The following ACACA variants were observed in gnomAD, a reference collection of about 807,000 sequenced individuals.
The protein encoded by ACACA is acetyl-CoA carboxylase 1.
Under a neutral mutation model 296.1 loss-of-function variants are expected in ACACA, and 103 were observed. The observed-to-expected ratio is 0.35, with a 90% CI of 0.30 to 0.41. ACACA has a LOEUF of 0.41. Ranked by LOEUF, ACACA falls within the 10% of genes least tolerant of loss-of-function variation. The pLI is 1.00. For synonymous variants in ACACA, 953 were observed against 1,038.6 expected (o/e 0.92, Z 1.58); for missense variants, 1,554 against 2,989.7 (o/e 0.52, Z 11.20).
intron 45 of ACACA, among the ~76,000 whole-genome samples, chr17:37,146,350 G>T (rs1353914772): frequency 1.3e-5 from 2 of 151,522 alleles, no homozygotes; most frequent in African/African-American, 4.9e-5. Flanking sequence ...ACAATTTACA[G>T]GTTGCTGCAT....
intron 54 of ACACA, among the ~76,000 whole-genome samples, chr17:37,091,049 T>C (rs1410233678): frequency 1.3e-5 from 2 of 152,250 alleles, no homozygotes; most frequent in East Asian, 3.8e-4. Context: ...AACAGCATGA[T>C]GCTTTCCTAT....
Position 37,252,955 on chromosome 17 carries a change from C to T in ACACA, c.1908G>A (p.Glu636=). Reference sequence around the variant, plus strand: ...TTCTGTTCATCTGAAAGCTTTCAGTCTCTAACAATTTGATCAGGTATTCAA... The same window carrying T: ...TTCTGTTCATCTGAAAGCTTTCAGTTTCTAACAATTTGATCAGGTATTCAA... ...TTVEYLIKLL[E]TESFQMNRID... is the part of the protein sequence containing the mutation. The change falls in exon 15 of 56, where the codon GAG becomes GAA. Residue 636 remains glutamate, a synonymous_variant. Coordinates refer to ENST00000616317, the MANE Select transcript of ACACA (RefSeq NM_198834.3). The T allele has an allele frequency of 6.2e-7, 1 of 1,614,238 alleles. No homozygotes were observed.
intron 3 of ACACA, among the ~76,000 whole-genome samples, chr17:37,292,684 C>T (rs2146745144): frequency 1.3e-5 from 2 of 152,250 alleles, no homozygotes; most frequent in South Asian, 4.1e-4. Flanking sequence ...GGCAAAACCA[C>T]ATCTCTACTT....
At chr17:37,221,863 A>G in intron 28 of ACACA, 21 bp from the exon 29 acceptor site, 1 of 1,587,222 alleles carries the variant, frequency 6.3e-7, no homozygotes, top group Non-Finnish European at 8.7e-7. Context: ...AGAAACCCTC[A>G]GTAAATAAAT....
chr17:37,273,094 A>C (rs779305344), intron 9 of ACACA, among the ~76,000 whole-genome samples: 1 of 152,240 alleles, frequency 6.6e-6, no homozygotes, highest in East Asian at 1.9e-4. Context: ...AAAATAAAGC[A>C]TTTGAAATTC....
intron 41 of ACACA, among the ~76,000 whole-genome samples, chr17:37,163,862 A>G (rs1301640663): frequency 1.3e-5 from 2 of 152,168 alleles, no homozygotes; most frequent in African/African-American, 4.8e-5. Context: ...GTCTCTTCCC[A>G]AACTCTCACA....
intron 37 of ACACA, among the ~76,000 whole-genome samples, chr17:37,191,688 A>G: frequency 6.6e-6 from 1 of 152,192 alleles, no homozygotes; most frequent in Non-Finnish European, 1.5e-5. Flanking sequence ...CCATACTTCT[A>G]GACAGGTGTA....
At chr17:37,255,175 A>C (rs1357419981) in intron 14 of ACACA, among the ~76,000 whole-genome samples, 3 of 152,108 alleles carry the variant, frequency 2.0e-5, no homozygotes, top group African/African-American at 7.2e-5. Flanking sequence ...GATAGGAATG[A>C]GTGGCTAATC....
At chr17:37,129,157 G>C (rs576326278) in intron 47 of ACACA, among the ~76,000 whole-genome samples, 16 of 152,232 alleles carry the variant, frequency 1.1e-4, no homozygotes, top group South Asian at 1.0e-3. Context: ...TGGGTGATTG[G>C]GAAATGTCAT....
Position 37,089,058 on chromosome 17 carries a change from T to C in ACACA, c.6908A>G (p.Asn2303Ser). 20 of 1,614,198 alleles carry C rather than the reference T, an allele frequency of 1.2e-5. No homozygotes were observed. The highest frequency in any genetic ancestry group is 1.7e-5 in the Non-Finnish European group (20 of 1,180,036). The change falls in exon 55 of 56, where the codon AAT becomes AGT. Residue 2303 changes from asparagine (N) to serine (S), a missense_variant. Asn to Ser is a conservative substitution (Grantham distance 46). Coordinates refer to ENST00000616317, the MANE Select transcript of ACACA (RefSeq NM_198834.3). ...EGTVKAYVWDNNKDLAEWLEK... is the reference protein window; with the variant it reads ...EGTVKAYVWDSNKDLAEWLEK... ...TAGCCACTCCGCCAGATCCTTATTA[T>C]TGTCCCAAACATAAGCCTGCAAACA...
intron 1 of ACACA, chr17:37,360,383 T>C (rs1214178519): frequency 6.6e-6 from 1 of 152,036 alleles, no homozygotes; most frequent in African/African-American, 2.4e-5. Flanking sequence ...AAGAAGTTCT[T>C]GGCGGAAGCT....
Position 37,179,255 on chromosome 17 carries a change from C to T in ACACA, c.5079+5G>A. 6.2e-7 allele frequency: 1 copy of T among 1,614,118 alleles called. No homozygotes were observed. The highest frequency in any genetic ancestry group is 1.1e-5 in the South Asian group (1 of 91,078). On this transcript the variant is annotated splice_donor_5th_base_variant and intron_variant, in intron 41 of 55. Coordinates refer to ENST00000616317, the MANE Select transcript of ACACA (RefSeq NM_198834.3). ...AGAAAGGGAAGGGGGGTTTCAACTACTTGCCTCATTTCCTCCTGGAAGCCT... is the reference window on the plus strand; with the variant it reads ...AGAAAGGGAAGGGGGGTTTCAACTATTTGCCTCATTTCCTCCTGGAAGCCT...
intron 1 of ACACA, among the ~76,000 whole-genome samples, chr17:37,405,159 A>T (rs1445909087): frequency 6.6e-6 from 1 of 152,208 alleles, no homozygotes; most frequent in African/African-American, 2.4e-5. Flanking sequence ...TCAGATATTT[A>T]TGTGCCTCCT....
chr17:37,176,555 T>C (rs960042917), intron 41 of ACACA, among the ~76,000 whole-genome samples: 2 of 152,130 alleles, frequency 1.3e-5, no homozygotes, highest in Admixed American at 1.3e-4. Context: ...ATATGTAGAG[T>C]GCCAGGCTCA....
At chr17:37,221,510 A>C in intron 29 of ACACA, 1 of 622,564 alleles carries the variant, frequency 1.6e-6, no homozygotes, top group East Asian at 2.8e-5. Context: ...GAATGAATGG[A>C]GTAATCCTAA....
chr17:37,273,548 T>A (rs978198877), intron 9 of ACACA, among the ~76,000 whole-genome samples: 1 of 152,228 alleles, frequency 6.6e-6, no homozygotes, highest in African/African-American at 2.4e-5. Flanking sequence ...CCTTTTCCCC[T>A]TTGGGATCAG....
In ACACA at chr17:37,085,543, G is replaced by A; in HGVS notation, c.*1773C>T. The A allele has an allele frequency of 2.5e-6, 1 of 398,514 alleles. No homozygotes were observed. The highest frequency in any genetic ancestry group is 4.4e-6 in the Non-Finnish European group (1 of 226,072). 24.7% of individuals were successfully genotyped at this position (398,514 alleles called of 1,614,324 possible). ...CCAATTCTTACTAGGTAAGCAAATAGCCAGCAATGGTCAATGCATTTTCCT... is the reference window on the plus strand; with the variant it reads ...CCAATTCTTACTAGGTAAGCAAATAACCAGCAATGGTCAATGCATTTTCCT... On this transcript the variant is annotated 3_prime_UTR_variant, in exon 56 of 56. Transcript: ENST00000616317.
In ACACA at chr17:37,097,193, C is replaced by T. The variant is rs762187388; in HGVS notation, c.6721-27G>A. 10 of 1,609,296 alleles carry T rather than the reference C, an allele frequency of 6.2e-6. No homozygotes were observed. Among genetic ancestry groups the T allele is most frequent in the East Asian group, 2.2e-5 (1 of 44,856 alleles). On this transcript the variant is annotated intron_variant, in intron 53 of 55. Coordinates refer to ENST00000616317, the MANE Select transcript of ACACA (RefSeq NM_198834.3). This position sits in a 1 kb window ranked among gnomAD's most constrained non-coding sequence, Gnocchi z 4.8. ...TACATGCAGAGAAGAATAAACTTAG[C>T]CCAGTCCTAATTCCTGCTTAATGCT...
At chr17:37,399,130 C>T (rs940537751) in intron 1 of ACACA, among the ~76,000 whole-genome samples, 9 of 151,398 alleles carry the variant, frequency 5.9e-5, no homozygotes, top group African/African-American at 1.9e-4. Flanking sequence ...TAAGCATGCA[C>T]CACCATGCCC....
Sources: allele counts gnomAD v4.1 joint callset (sites outside exome capture counted in the v4.1 genomes callset), GRCh38; gene constraint gnomAD v4.1.1; non-coding constraint Gnocchi (gnomAD v3.1); transcripts MANE v1.5; gene names NCBI Gene and HGNC (gene_info 2026-07-23, HGNC 2026-07-21).